The following RBM18 variants were observed in gnomAD, a reference collection of about 807,000 sequenced individuals.
RBM18 encodes RNA binding motif protein 18.
In RBM18, 18 loss-of-function variants were observed where a neutral mutation model predicts 26.4. That is an observed-to-expected ratio of 0.68 (90% CI 0.47 to 1.01). The LOEUF is 1.01. Ranked by LOEUF, RBM18 falls within the 50% of genes least tolerant of loss-of-function variation. RBM18 has a pLI of 0.00. For missense variants in RBM18, 180 were observed against 219.2 expected, an observed-to-expected ratio of 0.82 and a Z score of 1.13; for synonymous variants, 74 against 81.1, an observed-to-expected ratio of 0.91 and a Z score of 0.47.
intron 5 of RBM18, among the ~76,000 whole-genome samples, chr9:122,244,337 G>T (rs1411470998): frequency 6.6e-6 from 1 of 152,074 alleles, no homozygotes; most frequent in African/African-American, 2.4e-5. Flanking sequence ...CACCCAAATA[G>T]GCATCACTTT....
intron 3 of RBM18, among the ~76,000 whole-genome samples, chr9:122,250,267 C>T (rs11790463): frequency 0.025 from 3,800 of 152,178 alleles, 72 homozygotes; most frequent in Non-Finnish European, 0.037. Flanking sequence ...TATATCATTT[C>T]TTGAAGACAA....
At chr9:122,243,967 A>C in intron 5 of RBM18, 2 of 577,508 alleles carry the variant, frequency 3.5e-6, no homozygotes, top group Middle Eastern at 1.7e-3. Context: ...TAACATGAAG[A>C]CCACCAAGCA....
At chr9:122,264,292 G>A (rs1348664196) in intron 1 of RBM18, among the ~76,000 whole-genome samples, 1 of 152,192 alleles carries the variant, frequency 6.6e-6, no homozygotes, top group African/African-American at 2.4e-5. Context: ...ATGGCTTTTT[G>A]AGGAAAGGTA....
Position 122,259,033 on chromosome 9 carries a change from A to C in RBM18, c.113+2347T>G, listed in dbSNP as rs115967934. Among the ~76,000 whole-genome samples, 299 of 152,268 alleles carry C rather than the reference A, an allele frequency of 2.0e-3. 1 individual carries two copies. The highest frequency in any genetic ancestry group is 6.6e-3 in the African/African-American group (274 of 41,560). On this transcript the variant is annotated intron_variant, in intron 2 of 5. Coordinates refer to ENST00000417201, the MANE Select transcript of RBM18 (RefSeq NM_033117.4). ...GGAAAGCCCAGCACTTCCAGCCAGC[A>C]TGCTCTGATCTAGTTTATTACTTGA... is the stretch of plus-strand genomic sequence containing the variant.
At chr9:122,251,739 C>T in intron 3 of RBM18, 108 bp downstream of exon 3, 1 of 960,050 alleles carries the variant, frequency 1.0e-6, no homozygotes. Context: ...ATGAATCAGA[C>T]ATGGCTCCTG....
At chr9:122,257,735 C>T (rs572793257) in intron 2 of RBM18, among the ~76,000 whole-genome samples, 3 of 152,130 alleles carry the variant, frequency 2.0e-5, no homozygotes, top group East Asian at 3.9e-4. Context: ...TTCTAACAAG[C>T]GGTAAAAGAA....
intron 2 of RBM18, among the ~76,000 whole-genome samples, chr9:122,259,534 C>T (rs1007478656): frequency 6.6e-6 from 1 of 152,124 alleles, no homozygotes; most frequent in Non-Finnish European, 1.5e-5. Flanking sequence ...TCTTAAATAC[C>T]GTCATAATTT....
rs1382294354 is a variant in RBM18 at position 122,261,450 on chromosome 9, T to C, written c.43A>G (p.Ile15Val). The C allele has an allele frequency of 1.9e-6, 3 of 1,614,104 alleles. No individual in the cohort carries two copies. The highest frequency in any genetic ancestry group is 2.7e-5 in the African/African-American group (2 of 74,952). Reference sequence around the variant, plus strand: ...TCCTGCAGAGAGCCCTCTGAAAGGATGGATGCATTCTCCAGGGGAAGAGTT... The same window carrying C: ...TCCTGCAGAGAGCCCTCTGAAAGGACGGATGCATTCTCCAGGGGAAGAGTT... ...TKTLPLENAS[I>V]LSEGSLQEGH... The change falls in exon 2 of 6, where the codon ATC (isoleucine) becomes GTC (valine). Residue 15 changes from isoleucine to valine, a missense_variant. Ile to Val is a conservative substitution (Grantham distance 29). Coordinates refer to ENST00000417201, the MANE Select transcript of RBM18 (RefSeq NM_033117.4).
At chr9:122,248,823 G>A (rs775971316) in intron 3 of RBM18, among the ~76,000 whole-genome samples, 2 of 152,218 alleles carry the variant, frequency 1.3e-5, no homozygotes, top group Non-Finnish European at 2.9e-5. Flanking sequence ...GGGAGCGGGA[G>A]AGGCTATAGA....
At chr9:122,250,813 C>T (rs1378746263) in intron 3 of RBM18, among the ~76,000 whole-genome samples, 1 of 151,814 alleles carries the variant, frequency 6.6e-6, no homozygotes, top group Non-Finnish European at 1.5e-5. Context: ...GGGTATTAGG[C>T]CAAGTGATTT....
intron 2 of RBM18, among the ~76,000 whole-genome samples, chr9:122,253,513 G>A (rs1185621238): frequency 1.3e-5 from 2 of 152,120 alleles, no homozygotes; most frequent in African/African-American, 4.8e-5. Flanking sequence ...GACTTCAGGG[G>A]AAACGAAGAC....
intron 2 of RBM18, among the ~76,000 whole-genome samples, chr9:122,253,216 G>T (rs192019370): frequency 1.8e-3 from 272 of 152,254 alleles, no homozygotes; most frequent in Non-Finnish European, 3.1e-3. Flanking sequence ...TCTTGAGCAA[G>T]AATTTCCTTT....
At chr9:122,246,296 C>T (rs1831504550) in intron 4 of RBM18, among the ~76,000 whole-genome samples, 1 of 152,130 alleles carries the variant, frequency 6.6e-6, no homozygotes, top group African/African-American at 2.4e-5. Flanking sequence ...GCATGAGCCA[C>T]CATGCCTAGC....
chr9:122,246,620 G>A (rs1009754944), intron 4 of RBM18, among the ~76,000 whole-genome samples: 1 of 152,184 alleles, frequency 6.6e-6, no homozygotes, highest in African/African-American at 2.4e-5. Flanking sequence ...TACTCAGAAG[G>A]ATCTAAAGTA....
chr9:122,253,575 C>T (rs192738888), intron 2 of RBM18, among the ~76,000 whole-genome samples: 1 of 152,238 alleles, frequency 6.6e-6, no homozygotes, highest in East Asian at 1.9e-4. Flanking sequence ...AGGCTTACAG[C>T]AAGGGTGAGT....
intron 4 of RBM18, among the ~76,000 whole-genome samples, chr9:122,245,843 T>G (rs1234977100): frequency 6.6e-6 from 1 of 150,386 alleles, no homozygotes; most frequent in Non-Finnish European, 1.5e-5. Context: ...AAAACAAAAA[T>G]TACCCGGGCA....
intron 2 of RBM18, among the ~76,000 whole-genome samples, chr9:122,255,141 A>G (rs1831670473): frequency 6.6e-6 from 1 of 152,188 alleles, no homozygotes; most frequent in African/African-American, 2.4e-5. Flanking sequence ...TTGATGCACA[A>G]TTTGTTGTAG....
intron 3 of RBM18, 53 bp downstream of exon 3, chr9:122,251,794 T>C: frequency 6.4e-7 from 1 of 1,564,930 alleles, no homozygotes; most frequent in African/African-American, 1.4e-5. Context: ...CATGCACAAA[T>C]AATTATGACA....
Position 122,241,639 on chromosome 9 carries a change from T to G in RBM18, c.*245A>C, listed in dbSNP as rs1831423371. 1 of 365,714 alleles carries G rather than the reference T, an allele frequency of 2.7e-6. No homozygotes were observed. The highest frequency in any genetic ancestry group is 4.9e-6 in the Non-Finnish European group (1 of 204,520). 22.7% of individuals were successfully genotyped at this position (365,714 alleles called of 1,614,324 possible). A position where few individuals can be genotyped will look rare whatever the true frequency, so the allele number is the denominator to read the frequency against. On this transcript the variant is annotated 3_prime_UTR_variant, in exon 6 of 6. Transcript: ENST00000417201. The stretch of plus-strand genomic sequence containing the variant: ...TTACAAATCCAAACCAACCAGCCAA[T>G]TAGAGCATCCCAGGGTTCAAATCAC...
Sources: allele counts gnomAD v4.1 joint callset (sites outside exome capture counted in the v4.1 genomes callset), GRCh38; gene constraint gnomAD v4.1.1; transcripts MANE v1.5; gene names NCBI Gene and HGNC (gene_info 2026-07-23, HGNC 2026-07-21).